The following MUC13 variants were observed in gnomAD, a reference collection of about 807,000 sequenced individuals.
MUC13 encodes the protein mucin 13, cell surface associated, also known as mucin-13.
MUC13 carries 32 observed loss-of-function variants against 48.3 expected under a neutral mutation model. The observed-to-expected ratio is 0.66, with a 90% CI of 0.50 to 0.89. MUC13 has a LOEUF of 0.89. MUC13 is among the 40% of genes least tolerant of loss of function. MUC13 has a pLI of 0.00. For missense variants in MUC13, 571 were observed against 622.8 expected (o/e 0.92, Z 0.88); for synonymous variants, 199 against 224.9 (o/e 0.88, Z 1.03).
At chr3:124,917,126 GTC>G (rs138692223) in intron 5 of MUC13, among the ~76,000 whole-genome samples, 32 of 149,142 alleles carry the variant, frequency 2.1e-4, no homozygotes, top group Non-Finnish European at 2.4e-4. Flanking sequence ...CATTGTCACT[GTC>G]TCTCTCTCTC....
At chr3:124,913,816 A>G (rs1935466387) in intron 6 of MUC13, 135 bp from the exon 7 acceptor site, 4 of 917,140 alleles carry the variant, frequency 4.4e-6, no homozygotes, top group Admixed American at 4.5e-5. Context: ...GTGGCTCACA[A>G]CTGTAATCCC....
chr3:124,909,485 C>CATGTGTGTGTGT (rs372823172), intron 10 of MUC13, among the ~76,000 whole-genome samples: 18,825 of 148,388 alleles, frequency 0.13, 1,377 homozygotes, highest in South Asian at 0.21. Context: ...TGTGTGCTTG[C>CATGTGTGTGTGT]GTGTGTGTGT....
chr3:124,907,281 A>G (rs535862975), intron 11 of MUC13, among the ~76,000 whole-genome samples: 1 of 152,172 alleles, frequency 6.6e-6, no homozygotes, highest in Non-Finnish European at 1.5e-5. Flanking sequence ...TGCTAGGAGT[A>G]TGGGATGAGC....
rs372724149 is a variant in MUC13 at position 124,913,062 on chromosome 3, T to C, written c.1214+49A>G. The stretch of plus-strand genomic sequence containing the variant: ...ATACGTGTTGTAAGGTCTCTCTACT[T>C]TGCCTAGCTCCAGCTGTGGCAAGAC... On this transcript the variant is annotated intron_variant, in intron 8 of 11. Coordinates refer to ENST00000616727, the MANE Select transcript of MUC13 (RefSeq NM_033049.4). 2.5e-6 allele frequency: 4 copies of C among 1,600,276 alleles called. No individual in the cohort carries two copies. The African/African-American group carries it at 5.4e-5, about 21-fold the overall frequency.
intron 1 of MUC13, among the ~76,000 whole-genome samples, chr3:124,931,642 G>C (rs1377957952): frequency 6.6e-6 from 1 of 152,058 alleles, no homozygotes; most frequent in African/African-American, 2.4e-5. Context: ...CAGCCACTCG[G>C]GAAACTGAGG....
chr3:124,933,538 G>A (rs1158754459), intron 1 of MUC13, among the ~76,000 whole-genome samples: 5 of 152,044 alleles, frequency 3.3e-5, no homozygotes, highest in Non-Finnish European at 2.9e-5. Context: ...AAATTCCAAG[G>A]AGAATTATCT....
At chr3:124,927,314 G>A (rs749531989) in intron 2 of MUC13, among the ~76,000 whole-genome samples, 3 of 152,136 alleles carry the variant, frequency 2.0e-5, no homozygotes, top group Non-Finnish European at 4.4e-5. Context: ...ACTTGAGGTA[G>A]GATGGGAGGG....
chr3:124,916,846 A>G (rs1470881305), intron 5 of MUC13, among the ~76,000 whole-genome samples: 1 of 152,188 alleles, frequency 6.6e-6, no homozygotes, highest in Non-Finnish European at 1.5e-5. Flanking sequence ...CACTTTCTGT[A>G]GGACAGCAGC....
intron 1 of MUC13, among the ~76,000 whole-genome samples, chr3:124,930,998 G>A (rs140754958): frequency 1.3e-5 from 2 of 152,312 alleles, no homozygotes; most frequent in East Asian, 1.9e-4. Context: ...CAAGGCATAG[G>A]GGTGAGGAGG....
intron 5 of MUC13, 107 bp downstream of exon 5, chr3:124,920,127 C>T (rs1437057303): frequency 3.2e-6 from 3 of 950,962 alleles, no homozygotes; most frequent in African/African-American, 1.6e-5. Flanking sequence ...CTCCTCTTAA[C>T]TTGTGACTTG....
chr3:124,913,316 C>A, intron 7 of MUC13, 76 bp from the exon 8 acceptor site: 1 of 1,554,994 alleles, frequency 6.4e-7, no homozygotes, highest in South Asian at 1.2e-5. Flanking sequence ...GACAACATGA[C>A]AGTGTCTTTC....
chr3:124,922,475 T>C (rs1003508236), intron 3 of MUC13, among the ~76,000 whole-genome samples, 172 bp from the exon 4 acceptor site: 1 of 152,158 alleles, frequency 6.6e-6, no homozygotes, highest in Non-Finnish European at 1.5e-5. Context: ...AGCACAACCA[T>C]TTTAATTTTG....
intron 1 of MUC13, among the ~76,000 whole-genome samples, chr3:124,930,219 G>C (rs1935770300): frequency 6.6e-6 from 1 of 152,212 alleles, no homozygotes; most frequent in Admixed American, 6.5e-5. Context: ...AGGAGTTTTG[G>C]ACTTGGTGGC....
chr3:124,927,406 T>C, intron 2 of MUC13, 126 bp downstream of exon 2: 2 of 835,302 alleles, frequency 2.4e-6, no homozygotes, highest in Non-Finnish European at 3.8e-6. Context: ...AAGCCCACAG[T>C]TCATTTCCAA....
In MUC13 at chr3:124,910,519, A is replaced by G. The variant is rs1407433749; in HGVS notation, c.1253-20T>C. ...GAAATTCTGAAAGGAAGAAGAAAATAAGAACAGTCTCCAACAAGCTGGCCC... is the reference window on the plus strand; with the variant it reads ...GAAATTCTGAAAGGAAGAAGAAAATGAGAACAGTCTCCAACAAGCTGGCCC... On this transcript the variant is annotated intron_variant, in intron 9 of 11. Coordinates refer to ENST00000616727, the MANE Select transcript of MUC13 (RefSeq NM_033049.4). The G allele has an allele frequency of 6.2e-7, 1 of 1,613,782 alleles. No individual in the cohort carries two copies. Among genetic ancestry groups the G allele is most frequent in the South Asian group, 1.1e-5 (1 of 91,046 alleles).
chr3:124,912,234 A>G, intron 8 of MUC13, 93 bp from the exon 9 acceptor site: 1 of 1,539,648 alleles, frequency 6.5e-7, no homozygotes, highest in South Asian at 1.2e-5. Flanking sequence ...CTTCCTTTCC[A>G]TCTTCCTTTT....
intron 1 of MUC13, among the ~76,000 whole-genome samples, chr3:124,934,197 A>AG (rs1935843943): frequency 6.6e-6 from 1 of 151,994 alleles, no homozygotes; most frequent in South Asian, 2.1e-4. Context: ...TACAAGATGG[A>AG]GTCTCGCTCT....
intron 6 of MUC13, among the ~76,000 whole-genome samples, chr3:124,915,609 T>C (rs1046466320): frequency 6.6e-6 from 1 of 152,190 alleles, no homozygotes; most frequent in African/African-American, 2.4e-5. Flanking sequence ...TAAATGATGG[T>C]TGTTTTTGGC....
intron 2 of MUC13, 81 bp downstream of exon 2, chr3:124,927,451 C>T (rs1303867058): frequency 6.6e-6 from 9 of 1,372,542 alleles, no homozygotes; most frequent in Non-Finnish European, 8.1e-6. Context: ...CATTTTCCTA[C>T]CCCACCAGAA....
Sources: allele counts gnomAD v4.1 joint callset (sites outside exome capture counted in the v4.1 genomes callset), GRCh38; gene constraint gnomAD v4.1.1; transcripts MANE v1.5; gene names NCBI Gene and HGNC (gene_info 2026-07-23, HGNC 2026-07-21).